Variants in PRPF18 observed in about 807,000 individuals in gnomAD.
PRPF18 encodes the protein pre-mRNA processing factor 18, also known as pre-mRNA-splicing factor 18.
Under a neutral mutation model 46.5 loss-of-function variants are expected in PRPF18, and 38 were observed. That is an observed-to-expected ratio of 0.82 (90% CI 0.63 to 1.07). The LOEUF is 1.07. Ranked by LOEUF, PRPF18 falls within the 50% of genes least tolerant of loss-of-function variation. PRPF18 has a pLI of 0.00. For synonymous variants in PRPF18, 152 were observed against 146.7 expected (o/e 1.04, Z -0.26); for missense variants, 263 against 410.0 (o/e 0.64, Z 3.10).
chr10:13,634,323 C>T (rs2080616120), downstream of PRPF18, among the ~76,000 whole-genome samples: 2 of 152,172 alleles, frequency 1.3e-5, no homozygotes, highest in South Asian at 4.1e-4. Flanking sequence ...CCAACTTCCT[C>T]AACTTTTTCT....
chr10:13,629,841 G>A (rs190688464), intron 9 of PRPF18, among the ~76,000 whole-genome samples: 2 of 152,328 alleles, frequency 1.3e-5, no homozygotes, highest in African/African-American at 4.8e-5. Flanking sequence ...TAAGGGAGAA[G>A]TTATCTCGTT....
At chr10:13,639,697 A>G in the PRPF18 span, 2 of 152,170 alleles carry the variant, frequency 1.3e-5, no homozygotes, top group African/African-American at 4.8e-5. Context: ...TAAAGGTCCA[A>G]TTTCTGGTCA....
At chr10:13,600,441 C>A in intron 3 of PRPF18, 93 bp downstream of exon 3, 1 of 925,658 alleles carries the variant, frequency 1.1e-6, no homozygotes, top group Non-Finnish European at 1.6e-6. Context: ...GTCATTATTT[C>A]CTGCGTAAAA....
At chr10:13,589,979 G>C (rs1003600119) in intron 1 of PRPF18, among the ~76,000 whole-genome samples, 1 of 152,012 alleles carries the variant, frequency 6.6e-6, no homozygotes, top group Non-Finnish European at 1.5e-5. Flanking sequence ...ATGTTAGGAA[G>C]GGCCAGGGTG....
At chr10:13,591,140 A>G (rs1405668154) in intron 1 of PRPF18, among the ~76,000 whole-genome samples, 1 of 152,196 alleles carries the variant, frequency 6.6e-6, no homozygotes, top group East Asian at 1.9e-4. Flanking sequence ...GTGCTCTTGC[A>G]TGATGTAAGG....
the PRPF18 span, among the ~76,000 whole-genome samples, chr10:13,650,913 T>C: frequency 6.6e-6 from 1 of 151,590 alleles, no homozygotes; most frequent in Non-Finnish European, 1.5e-5. Context: ...GACCCCCTCA[T>C]TTCTGAATCC....
At chr10:13,640,769 A>T in the PRPF18 span, 2 of 152,062 alleles carry the variant, frequency 1.3e-5, no homozygotes, top group African/African-American at 4.8e-5. Flanking sequence ...CCTGCTGACA[A>T]CCCCAAGCCA....
At chr10:13,610,314 C>G (rs191264466) in intron 5 of PRPF18, 129 bp downstream of exon 5, 1 of 1,049,986 alleles carries the variant, frequency 9.5e-7, no homozygotes, top group Non-Finnish European at 1.3e-6. Context: ...ATTTACTCCT[C>G]GCTTTTATTT....
At chr10:13,644,473 C>T in the PRPF18 span, 2 of 152,230 alleles carry the variant, frequency 1.3e-5, no homozygotes, top group African/African-American at 2.4e-5. Context: ...GTCTTGACTA[C>T]CAGACTATCA....
In PRPF18 at chr10:13,605,611, G is replaced by A. The variant is rs1408669701; in HGVS notation, c.250-20G>A. 1.9e-6 allele frequency: 3 copies of A among 1,548,762 alleles called. No homozygotes were observed. Among genetic ancestry groups the A allele is most frequent in the African/African-American group, 1.4e-5 (1 of 71,106 alleles). On this transcript the variant is annotated intron_variant, in intron 3 of 9. Transcript: ENST00000378572. ...AAAAAAAAAAAAAAAAATTTACTGG[G>A]TATCTGTTTCACTTTGTAGGTCATC...
In PRPF18 at chr10:13,587,182, ATGTAAGAGTG is replaced by A. The variant is rs1180592602; in HGVS notation, c.66+31_66+40del. ...GGACCCTGCGGTCGTGGGGGTCGGG[ATGTAAGAGTG>A]AGAGTATGTGTGTCGGGGTTTTGGG... is the stretch of plus-strand genomic sequence containing the variant. On this transcript the variant is annotated intron_variant, in intron 1 of 9. Coordinates refer to ENST00000378572, the MANE Select transcript of PRPF18 (RefSeq NM_003675.4). 4 of 1,592,720 alleles carry A rather than the reference ATGTAAGAGTG, an allele frequency of 2.5e-6. No homozygotes were observed. In the Admixed American group the frequency reaches 6.7e-5, roughly 27 times the overall value.
the PRPF18 span, chr10:13,642,374 G>C: frequency 3.3e-5 from 5 of 152,334 alleles, no homozygotes; most frequent in Non-Finnish European, 5.9e-5. Context: ...GCCCTCATCA[G>C]TGGTGACTTC....
rs1195287093 is a variant in PRPF18 at position 13,614,069 on chromosome 10, C to T, written c.775C>T (p.Gln259Ter). ...SITDIIKFML[Q>*]REYVKANDAY... Reference sequence around the variant, plus strand: ...AACGGATATTATTAAATTCATGTTGCAGAGAGAATACGTGAAGGTACATTC... The same window carrying T: ...AACGGATATTATTAAATTCATGTTGTAGAGAGAATACGTGAAGGTACATTC... Residue 259 changes from glutamine (Q) to a stop codon, truncating the protein, a stop_gained, in exon 8 of 10, where the codon CAG becomes TAG. Transcript: ENST00000378572. LOFTEE classifies it high-confidence loss of function. 1 of 1,582,744 alleles carries T rather than the reference C, an allele frequency of 6.3e-7. No homozygotes were observed. The highest frequency in any genetic ancestry group is 8.6e-7 in the Non-Finnish European group (1 of 1,160,246).
intron 1 of PRPF18, chr10:13,592,032 T>C: frequency 1.6e-6 from 1 of 626,674 alleles, no homozygotes; most frequent in Non-Finnish European, 2.8e-6. Context: ...ACTACCATTC[T>C]TGTCACCACC....
At chr10:13,599,435 T>C (rs1429259520) in intron 2 of PRPF18, among the ~76,000 whole-genome samples, 2 of 152,226 alleles carry the variant, frequency 1.3e-5, no homozygotes, top group African/African-American at 2.4e-5. Context: ...ACTTTCAGCA[T>C]TTTGGATTTA....
intron 2 of PRPF18, among the ~76,000 whole-genome samples, chr10:13,599,975 A>G (rs971483211): frequency 6.6e-6 from 1 of 152,184 alleles, no homozygotes; most frequent in Non-Finnish European, 1.5e-5. Flanking sequence ...TTAAATTTGG[A>G]TTTTGGAAAT....
At chr10:13,647,364 T>C in the PRPF18 span, 1 of 152,136 alleles carries the variant, frequency 6.6e-6, no homozygotes, top group African/African-American at 2.4e-5. Context: ...CTGGGCCCAA[T>C]TGATTTGGGG....
chr10:13,644,934 T>A, the PRPF18 span: 2 of 152,262 alleles, frequency 1.3e-5, no homozygotes, highest in African/African-American at 4.8e-5. Context: ...CTTAAAGCGT[T>A]CTGGGAATAT....
intron 9 of PRPF18, among the ~76,000 whole-genome samples, chr10:13,619,123 A>C (rs2080388737): frequency 6.6e-6 from 1 of 152,144 alleles, no homozygotes; most frequent in South Asian, 2.1e-4. Flanking sequence ...GACAGAGGAG[A>C]GCAGAGCTTA....
Sources: allele counts gnomAD v4.1 joint callset (sites outside exome capture counted in the v4.1 genomes callset), GRCh38; gene constraint gnomAD v4.1.1; transcripts MANE v1.5; gene names NCBI Gene and HGNC (gene_info 2026-07-23, HGNC 2026-07-21).